KCNMA1: variants seen among roughly 807,000 people sequenced by gnomAD.
The protein encoded by KCNMA1 is Calcium-activated potassium channel subunit alpha-1.
KCNMA1 carries 29 observed loss-of-function variants against 140.0 expected under a neutral mutation model. The ratio of observed to expected loss-of-function variants is 0.21; its 90% CI spans 0.15 to 0.28. KCNMA1 has a LOEUF of 0.28. KCNMA1 is among the 10% of genes least tolerant of loss of function. The pLI, the probability that KCNMA1 is intolerant of heterozygous loss-of-function variation, is 1.00. For missense variants in KCNMA1, 880 were observed against 1,602.2 expected (o/e 0.55, Z 7.70); for synonymous variants, 612 against 611.9 (o/e 1.00, Z 0.00).
rs529900529 is a variant in KCNMA1 at position 76,987,571 on chromosome 10, C to T, written c.2266+13836G>A. On this transcript the variant is annotated intron_variant, in intron 19 of 27. Transcript: ENST00000286628. ...GTGACTATGTTACAAGGAAACTTTA[C>T]TTACTACAATGGATGGCAGGCCAGA... 3.9e-5 allele frequency among the ~76,000 whole-genome samples: 6 copies of T among 152,338 alleles called. No individual in the cohort carries two copies. In the South Asian group the frequency reaches 1.2e-3, roughly 32 times the overall value.
intron 14 of KCNMA1, among the ~76,000 whole-genome samples, chr10:77,050,091 C>T (rs1186984014): frequency 6.6e-6 from 1 of 152,070 alleles, no homozygotes; most frequent in East Asian, 1.9e-4. Flanking sequence ...CCATCTCATG[C>T]CTATTCTATC....
intron 5 of KCNMA1, among the ~76,000 whole-genome samples, chr10:77,133,166 T>A (rs975193732): frequency 2.2e-5 from 3 of 138,580 alleles, no homozygotes; most frequent in African/African-American, 2.7e-5. Flanking sequence ...TTTAATCAAA[T>A]GGAGAAAAGA....
intron 2 of KCNMA1, among the ~76,000 whole-genome samples, chr10:77,306,547 T>C (rs1400759352): frequency 6.6e-6 from 1 of 152,182 alleles, no homozygotes; most frequent in African/African-American, 2.4e-5. Context: ...AGACAACACA[T>C]ATAGGATATA....
chr10:77,329,858 TA>T lies in KCNMA1; in HGVS notation c.540+74003del, dbSNP rs1212422271. Among the ~76,000 whole-genome samples, 3 of 152,228 alleles carry T rather than the reference TA, an allele frequency of 2.0e-5. No individual in the cohort carries two copies. The South Asian group carries it at 6.2e-4, about 32-fold the overall frequency. ...CTTTGTCCCTCAGTTTATTCATCTA[TA>T]AAAATGATAACAAAAATAATACTTA... On this transcript the variant is annotated intron_variant, in intron 2 of 27. Coordinates refer to ENST00000286628, the MANE Select transcript of KCNMA1 (RefSeq NM_001161352.2).
intron 2 of KCNMA1, among the ~76,000 whole-genome samples, chr10:77,367,503 GC>G (rs2094438306): frequency 6.6e-6 from 1 of 152,152 alleles, no homozygotes; most frequent in Admixed American, 6.5e-5. Flanking sequence ...AGAGTCCCAG[GC>G]CCCATTGCTA....
At chr10:77,128,050 A>G (rs1202656122) in intron 5 of KCNMA1, among the ~76,000 whole-genome samples, 1 of 152,014 alleles carries the variant, frequency 6.6e-6, no homozygotes, top group East Asian at 1.9e-4. Context: ...TGGCTGTTTT[A>G]TTTTGCTTTT....
intron 5 of KCNMA1, among the ~76,000 whole-genome samples, chr10:77,178,508 A>G (rs1598020898): frequency 6.6e-6 from 1 of 152,088 alleles, no homozygotes; most frequent in Non-Finnish European, 1.5e-5. Flanking sequence ...GGAGTTTGAG[A>G]CCAGCCTGGC....
chr10:77,122,491 G>A (rs534670306), intron 5 of KCNMA1, among the ~76,000 whole-genome samples: 1 of 151,848 alleles, frequency 6.6e-6, no homozygotes, highest in Non-Finnish European at 1.5e-5. Context: ...GCTGAAAACC[G>A]ACCACGGCGC....
intron 7 of KCNMA1, 40 bp from the exon 8 acceptor site, chr10:77,110,383 C>T: frequency 6.4e-7 from 1 of 1,559,144 alleles, no homozygotes; most frequent in Non-Finnish European, 8.8e-7. Flanking sequence ...GAAAAACATG[C>T]TATTGAAGTG....
intron 25 of KCNMA1, among the ~76,000 whole-genome samples, chr10:76,893,307 GC>G (rs2041022837): frequency 6.6e-6 from 1 of 152,172 alleles, no homozygotes; most frequent in African/African-American, 2.4e-5. Flanking sequence ...TGAGGCCTTT[GC>G]CAAGTAGAGG....
rs560476230 is a variant in KCNMA1 at position 76,937,497 on chromosome 10, A to G, written c.2902+7276T>C. Among the ~76,000 whole-genome samples, 56 of 152,334 alleles carry G rather than the reference A, an allele frequency of 3.7e-4. 2 individuals are homozygous for G. In the South Asian group the frequency reaches 0.01, roughly 28 times the overall value. ...TTTATCTAGCCTGTCTTTACTGATC[A>G]TTTGAAAATTAACATGCAGAGGTCC... On this transcript the variant is annotated intron_variant, in intron 23 of 27. Coordinates refer to ENST00000286628, the MANE Select transcript of KCNMA1 (RefSeq NM_001161352.2).
In KCNMA1 at chr10:77,589,717, T is replaced by C. The variant is rs190380404; in HGVS notation, c.378+47548A>G. ...GAGTTTCTTCCTTCTGGTGGGTTCA[T>C]GGTCTCGCTGGCTCAGGCAGGAGTG... On this transcript the variant is annotated intron_variant, in intron 1 of 27. Transcript: ENST00000286628. Among the ~76,000 whole-genome samples, 452 of 152,258 alleles carry C rather than the reference T, an allele frequency of 3.0e-3. 1 individual carries two copies. Among genetic ancestry groups the C allele is most frequent in the Non-Finnish European group, 4.9e-3 (333 of 68,012 alleles).
chr10:76,949,128 G>A lies in KCNMA1; in HGVS notation c.2709+14C>T. On this transcript the variant is annotated intron_variant, in intron 22 of 27. Transcript: ENST00000286628. The stretch of plus-strand genomic sequence containing the variant: ...AAAGAAGAAAAGGCATCAATAATGT[G>A]ACCTTGGACTTACAGGCAATATGGA... 6.4e-7 allele frequency: 1 copy of A among 1,573,572 alleles called. No homozygotes were observed. The highest frequency in any genetic ancestry group is 8.7e-7 in the Non-Finnish European group (1 of 1,142,954).
chr10:77,087,757 C>A (rs564243937), intron 10 of KCNMA1, among the ~76,000 whole-genome samples: 4 of 152,190 alleles, frequency 2.6e-5, no homozygotes, highest in African/African-American at 9.6e-5. Context: ...GATAAGGTAC[C>A]GTGCTAGGCA....
intron 20 of KCNMA1, among the ~76,000 whole-genome samples, chr10:76,966,549 G>A (rs2074003103): frequency 6.6e-6 from 1 of 152,130 alleles, no homozygotes; most frequent in African/African-American, 2.4e-5. Flanking sequence ...TCTTGACTTA[G>A]CTATTTAGAG....
chr10:76,905,345 T>C (rs1280768119), intron 25 of KCNMA1, among the ~76,000 whole-genome samples: 1 of 152,204 alleles, frequency 6.6e-6, no homozygotes, highest in Non-Finnish European at 1.5e-5. Context: ...GAGCTCACTG[T>C]CCTAGCCAGC....
chr10:77,101,090 G>A (rs986574102), intron 9 of KCNMA1, among the ~76,000 whole-genome samples: 3 of 152,024 alleles, frequency 2.0e-5, no homozygotes, highest in African/African-American at 7.2e-5. Flanking sequence ...TCTTTAAATA[G>A]AGCTTCAAGT....
chr10:77,016,968 T>A (rs1327327609), intron 17 of KCNMA1, among the ~76,000 whole-genome samples: 1 of 152,142 alleles, frequency 6.6e-6, no homozygotes, highest in Admixed American at 6.6e-5. Context: ...CTTTCTGTGG[T>A]TTTTTGCAGT....
At chr10:77,223,549 G>A (rs954864496) in intron 3 of KCNMA1, among the ~76,000 whole-genome samples, 1 of 152,176 alleles carries the variant, frequency 6.6e-6, no homozygotes. Context: ...GTCTTGATTG[G>A]ACATACAGAC....
Sources: gnomAD v4.1 joint callset for allele counts (sites outside exome capture counted in the v4.1 genomes callset) on GRCh38, gnomAD v4.1.1 for gene constraint, MANE v1.5 for transcripts, NCBI Gene and HGNC (gene_info 2026-07-23, HGNC 2026-07-21) for gene names.